Variants in RIT2 observed in about 807,000 individuals in gnomAD.
RIT2 encodes Ras like without CAAX 2, also known as GTP-binding protein Rit2.
Under a neutral mutation model 23.7 loss-of-function variants are expected in RIT2, and 24 were observed. The ratio of observed to expected loss-of-function variants is 1.01; its 90% CI spans 0.73 to 1.43. RIT2 has a LOEUF of 1.43. Ranked by LOEUF, RIT2 falls within the 40% of genes most tolerant of loss-of-function variation. RIT2 has a pLI of 0.00. For synonymous variants in RIT2, 107 were observed against 91.1 expected, an observed-to-expected ratio of 1.17 and a Z score of -0.99; for missense variants, 236 against 266.9, an observed-to-expected ratio of 0.88 and a Z score of 0.81.
At chr18:42,944,410 T>G (rs940239678) in intron 3 of RIT2, among the ~76,000 whole-genome samples, 9 of 152,128 alleles carry the variant, frequency 5.9e-5, no homozygotes, top group African/African-American at 2.2e-4. Flanking sequence ...CAGGGATTTA[T>G]GTTTCCTATA....
intron 4 of RIT2, among the ~76,000 whole-genome samples, chr18:42,919,220 C>T (rs1235718235): frequency 6.6e-6 from 1 of 152,024 alleles, no homozygotes; most frequent in Non-Finnish European, 1.5e-5. Context: ...GTTCCAAATA[C>T]CCCTCTAAGT....
At chr18:43,065,796 G>C (rs1199142168) in intron 1 of RIT2, among the ~76,000 whole-genome samples, 1 of 152,064 alleles carries the variant, frequency 6.6e-6, no homozygotes, top group Non-Finnish European at 1.5e-5. Flanking sequence ...TAACATTAGA[G>C]GGAAGACATG....
chr18:42,960,010 G>T (rs1015242349), intron 3 of RIT2, among the ~76,000 whole-genome samples: 41 of 152,116 alleles, frequency 2.7e-4, no homozygotes, highest in African/African-American at 9.2e-4. Flanking sequence ...CTTTTAAAAA[G>T]TAAATTATAT....
At chr18:42,806,100 A>AT in intron 4 of RIT2, among the ~76,000 whole-genome samples, 1 of 140,026 alleles carries the variant, frequency 7.1e-6, no homozygotes, top group African/African-American at 2.6e-5. Context: ...TAATAAAATT[A>AT]ATATATATAT....
chr18:42,866,101 T>A (rs912454234), intron 4 of RIT2, among the ~76,000 whole-genome samples: 3 of 152,162 alleles, frequency 2.0e-5, no homozygotes, highest in Non-Finnish European at 4.4e-5. Context: ...ATAAAGCAAT[T>A]GACAAAAGAT....
At chr18:43,080,204 G>A (rs1039589209) in intron 1 of RIT2, among the ~76,000 whole-genome samples, 13 of 152,262 alleles carry the variant, frequency 8.5e-5, no homozygotes, top group Admixed American at 2.0e-4. Context: ...GAGAATGTAT[G>A]CACATCAGCT....
At chr18:43,056,916 A>G (rs529003213) in intron 1 of RIT2, among the ~76,000 whole-genome samples, 4 of 152,148 alleles carry the variant, frequency 2.6e-5, no homozygotes, top group Non-Finnish European at 5.9e-5. Context: ...TGATACTTCA[A>G]ATTTCCATAA....
intron 2 of RIT2, among the ~76,000 whole-genome samples, chr18:43,023,205 T>A (rs1194043790): frequency 2.6e-5 from 4 of 152,092 alleles, no homozygotes; most frequent in Admixed American, 2.0e-4. Context: ...ACATAGTAGA[T>A]TGGATCAGAA....
At chr18:43,066,913 A>G (rs1200682709) in intron 1 of RIT2, among the ~76,000 whole-genome samples, 1 of 150,914 alleles carries the variant, frequency 6.6e-6, no homozygotes, top group Non-Finnish European at 1.5e-5. Flanking sequence ...AAATGTAGAC[A>G]GCAACTAGAT....
intron 1 of RIT2, among the ~76,000 whole-genome samples, chr18:43,047,489 C>A (rs2144304186): frequency 6.6e-6 from 1 of 152,024 alleles, no homozygotes; most frequent in African/African-American, 2.4e-5. Context: ...GACTAAAAAC[C>A]AAAACAACAC....
chr18:42,776,369 C>T (rs1392679608), intron 4 of RIT2, among the ~76,000 whole-genome samples: 1 of 152,162 alleles, frequency 6.6e-6, no homozygotes, highest in Non-Finnish European at 1.5e-5. Flanking sequence ...TAAACCCAGT[C>T]ATTCACTCCA....
intron 4 of RIT2, among the ~76,000 whole-genome samples, chr18:42,852,833 CTTTCTTTT>C (rs1907092071): frequency 5.5e-5 from 6 of 110,078 alleles, no homozygotes; most frequent in East Asian, 1.3e-3. Context: ...TCCTTCCTTT[CTTTCTTTT>C]CTTTCTTTTT....
intron 1 of RIT2, among the ~76,000 whole-genome samples, chr18:43,112,009 T>C (rs954828154): frequency 9.9e-5 from 15 of 150,896 alleles, no homozygotes; most frequent in African/African-American, 3.2e-4. Flanking sequence ...TAATATTATA[T>C]ATTTATACAG....
chr18:42,798,605 C>G (rs528932755), intron 4 of RIT2, among the ~76,000 whole-genome samples: 1 of 152,334 alleles, frequency 6.6e-6, no homozygotes, highest in South Asian at 2.1e-4. Flanking sequence ...ATCAGACTGT[C>G]CCTTCTGATG....
At chr18:43,013,205 A>G (rs1333090208) in intron 2 of RIT2, among the ~76,000 whole-genome samples, 1 of 151,872 alleles carries the variant, frequency 6.6e-6, no homozygotes, top group Non-Finnish European at 1.5e-5. Flanking sequence ...AAAGATTCTT[A>G]TTTGAACGCC....
At chr18:43,013,082 T>G (rs944772598) in intron 2 of RIT2, among the ~76,000 whole-genome samples, 1 of 151,754 alleles carries the variant, frequency 6.6e-6, no homozygotes, top group Non-Finnish European at 1.5e-5. Flanking sequence ...GAACAAATCC[T>G]CTCCCTAAAA....
intron 2 of RIT2, among the ~76,000 whole-genome samples, chr18:43,013,688 T>C (rs1911404787): frequency 6.6e-6 from 1 of 151,774 alleles, no homozygotes; most frequent in African/African-American, 2.4e-5. Context: ...TTTTTGGCAC[T>C]ATCAGAGTAA....
chr18:42,796,168 G>A (rs1905349538), intron 4 of RIT2, among the ~76,000 whole-genome samples: 1 of 152,138 alleles, frequency 6.6e-6, no homozygotes, highest in Non-Finnish European at 1.5e-5. Flanking sequence ...TTTATGAGCT[G>A]TAACACTCAC....
chr18:43,080,256 T>A (rs1231646129), intron 1 of RIT2, among the ~76,000 whole-genome samples: 1 of 152,214 alleles, frequency 6.6e-6, no homozygotes, highest in Non-Finnish European at 1.5e-5. Flanking sequence ...AGGCAGGCAT[T>A]TTTCTTCCCA....
Sources: gnomAD v4.1 joint callset for allele counts (sites outside exome capture counted in the v4.1 genomes callset) on GRCh38, gnomAD v4.1.1 for gene constraint, MANE v1.5 for transcripts, NCBI Gene and HGNC (gene_info 2026-07-23, HGNC 2026-07-21) for gene names.